Variants in MSI2 observed in about 807,000 individuals in gnomAD.
The protein encoded by MSI2 is musashi RNA binding protein 2, also known as RNA-binding protein Musashi homolog 2.
MSI2 carries 17 observed loss-of-function variants against 45.6 expected under a neutral mutation model. The observed-to-expected ratio is 0.37, with a 90% CI of 0.26 to 0.56. MSI2 has a LOEUF of 0.56. Ranked by LOEUF, MSI2 falls within the 20% of genes least tolerant of loss-of-function variation. MSI2 has a pLI of 0.77. For missense variants in MSI2, 293 were observed against 444.2 expected (o/e 0.66, Z 3.06); for synonymous variants, 156 against 158.2 (o/e 0.99, Z 0.11).
At chr17:57,323,857 C>T (rs796679022) in intron 5 of MSI2, among the ~76,000 whole-genome samples, 4 of 152,346 alleles carry the variant, frequency 2.6e-5, no homozygotes, top group African/African-American at 9.6e-5. Flanking sequence ...ATTATTTCCC[C>T]ATCACCCTCA....
chr17:57,555,065 G>A (rs2087400068), intron 7 of MSI2, among the ~76,000 whole-genome samples: 2 of 152,232 alleles, frequency 1.3e-5, no homozygotes, highest in Admixed American at 1.3e-4. Context: ...GTAGGGCAGT[G>A]TGAGGAGGCA....
chr17:57,256,475 AGGAGGG>A (rs1238607871), upstream of MSI2: 23 of 67,438 alleles, frequency 3.4e-4, no homozygotes, highest in Admixed American at 4.4e-3. Flanking sequence ...GGTGGGGAGG[AGGAGGG>A]GGAGAGGTGG....
chr17:57,627,463 A>G lies in MSI2; in HGVS notation c.727+160A>G. The G allele has an allele frequency of 1.5e-6, 1 of 679,472 alleles. No homozygotes were observed. Among genetic ancestry groups the G allele is most frequent in the South Asian group, 1.8e-5 (1 of 55,088 alleles). The allele number at this position is 679,472 out of a possible 1,614,324, so 42.1% of individuals were successfully genotyped here. On this transcript the variant is annotated intron_variant, in intron 10 of 13. Transcript: ENST00000284073. The surrounding 1 kb of genome is among the most constrained non-coding windows in gnomAD (Gnocchi z 4.6). ...AAATCCACTGAAGTTCAAGGCCAGG[A>G]TGCAGCTCAGAGTTTTTGATTAACT...
chr17:57,397,320 C>A (rs1384373464), intron 5 of MSI2, among the ~76,000 whole-genome samples: 1 of 152,140 alleles, frequency 6.6e-6, no homozygotes, highest in African/African-American at 2.4e-5. Context: ...CTCACTGTAT[C>A]CAGGTTTAAA....
chr17:57,659,245 TTG>T (rs550783061), intron 11 of MSI2, among the ~76,000 whole-genome samples: 7 of 151,528 alleles, frequency 4.6e-5, no homozygotes, highest in Non-Finnish European at 8.9e-5. Flanking sequence ...TGTGTGTTTT[TTG>T]TTTTTTCTTT....
intron 6 of MSI2, among the ~76,000 whole-genome samples, chr17:57,416,938 A>G (rs2084305844): frequency 6.6e-6 from 1 of 152,238 alleles, no homozygotes; most frequent in Admixed American, 6.5e-5. Context: ...TGATGGGGCC[A>G]CAGAGATGGG....
At position 57,538,792 on chromosome 17, in the gene MSI2, A is replaced by C. The variant is rs2086977773; in HGVS notation, c.454+9068A>C. Among the ~76,000 whole-genome samples, 5 of 152,194 alleles carry C rather than the reference A, an allele frequency of 3.3e-5. No homozygotes were observed. In the South Asian group the frequency reaches 1.0e-3, roughly 32 times the overall value. The stretch of plus-strand genomic sequence containing the variant: ...GAATATCTTTGAAAGGATGCCTGCA[A>C]AATCGGTAACAAGGAGTTAGAACTG... On this transcript the variant is annotated intron_variant, in intron 7 of 13. Transcript: ENST00000284073.
intron 9 of MSI2, among the ~76,000 whole-genome samples, chr17:57,622,026 C>G (rs188601638): frequency 6.6e-6 from 1 of 152,250 alleles, no homozygotes. Context: ...AGTGAAAACT[C>G]CATCTCTACT....
intron 8 of MSI2, among the ~76,000 whole-genome samples, chr17:57,602,790 C>A (rs1220867286): frequency 6.6e-6 from 1 of 152,182 alleles, no homozygotes; most frequent in Non-Finnish European, 1.5e-5. Flanking sequence ...TGCTGGTAAT[C>A]AAAGTGTGGT....
chr17:57,336,231 T>C (rs1432616105), intron 5 of MSI2, among the ~76,000 whole-genome samples: 1 of 152,134 alleles, frequency 6.6e-6, no homozygotes, highest in Admixed American at 6.6e-5. Flanking sequence ...AAGACTGGGA[T>C]GTAGGAAGTT....
chr17:57,699,552 T>C, the MSI2 span, among the ~76,000 whole-genome samples: 1 of 81,274 alleles, frequency 1.2e-5, no homozygotes, highest in African/African-American at 1.1e-4. Flanking sequence ...GGGTATAATA[T>C]TATACCCTTT....
At chr17:57,673,101 C>A (rs1316249083) in intron 11 of MSI2, among the ~76,000 whole-genome samples, 1 of 152,246 alleles carries the variant, frequency 6.6e-6, no homozygotes, top group Admixed American at 6.5e-5. Flanking sequence ...GGCTTCAGTT[C>A]TGTTTTCTCT....
At chr17:57,485,572 T>C (rs1156242414) in intron 6 of MSI2, among the ~76,000 whole-genome samples, 1 of 152,176 alleles carries the variant, frequency 6.6e-6, no homozygotes, top group Non-Finnish European at 1.5e-5. Flanking sequence ...AAAGGGCCCG[T>C]GATTCAACAG....
chr17:57,348,296 T>C (rs1373153377), intron 5 of MSI2, among the ~76,000 whole-genome samples: 1 of 152,130 alleles, frequency 6.6e-6, no homozygotes, highest in African/African-American at 2.4e-5. Flanking sequence ...GGTTGTCCCT[T>C]GGGACAAGAG....
At chr17:57,375,368 C>G (rs976938586) in intron 5 of MSI2, among the ~76,000 whole-genome samples, 8 of 152,128 alleles carry the variant, frequency 5.3e-5, no homozygotes, top group African/African-American at 1.7e-4. Context: ...GAGCCAGGAG[C>G]CGAGGAGAGG....
intron 5 of MSI2, among the ~76,000 whole-genome samples, chr17:57,332,479 T>C (rs749624111): frequency 2.0e-5 from 3 of 152,242 alleles, no homozygotes; most frequent in Non-Finnish European, 2.9e-5. Context: ...CCAGTTATTA[T>C]TGTATTTATA....
chr17:57,668,773 G>C (rs1314395114), intron 11 of MSI2, among the ~76,000 whole-genome samples: 1 of 152,136 alleles, frequency 6.6e-6, no homozygotes, highest in African/African-American at 2.4e-5. Flanking sequence ...CCATCACATT[G>C]CTCTCTTAAT....
intron 5 of MSI2, among the ~76,000 whole-genome samples, chr17:57,399,307 G>A (rs1484746422): frequency 6.6e-6 from 1 of 152,220 alleles, no homozygotes; most frequent in Admixed American, 6.5e-5. Context: ...TTAAACACAT[G>A]AGCAAGCCAC....
chr17:57,554,706 G>T (rs1167499883), intron 7 of MSI2, among the ~76,000 whole-genome samples: 1 of 152,234 alleles, frequency 6.6e-6, no homozygotes, highest in African/African-American at 2.4e-5. Flanking sequence ...CCTGTGTGGT[G>T]TAGCTGTTAT....
Sources: gnomAD v4.1 joint callset for allele counts (sites outside exome capture counted in the v4.1 genomes callset) on GRCh38, gnomAD v4.1.1 for gene constraint, Gnocchi (gnomAD v3.1) non-coding constraint, MANE v1.5 for transcripts, NCBI Gene and HGNC (gene_info 2026-07-23, HGNC 2026-07-21) for gene names.